TTC7B: variants seen among roughly 807,000 people sequenced by gnomAD.
TTC7B encodes the protein tetratricopeptide repeat protein 7B.
A neutral mutation model predicts 106.8 loss-of-function variants in TTC7B; 28 were observed. The observed-to-expected ratio is 0.26, with a 90% CI of 0.19 to 0.36. The LOEUF is 0.36. TTC7B is among the 10% of genes least tolerant of loss of function. The pLI, the probability that TTC7B is intolerant of heterozygous loss-of-function variation, is 1.00. For missense variants in TTC7B, 862 were observed against 1,076.4 expected, an observed-to-expected ratio of 0.80 and a Z score of 2.79; for synonymous variants, 405 against 430.6, an observed-to-expected ratio of 0.94 and a Z score of 0.74.
intron 15 of TTC7B, among the ~76,000 whole-genome samples, chr14:90,625,592 G>A (rs1225246724): frequency 6.6e-6 from 1 of 152,206 alleles, no homozygotes; most frequent in Non-Finnish European, 1.5e-5. Flanking sequence ...CCTCCGCCAG[G>A]TGAGCCTATG....
chr14:90,665,625 G>A (rs1330837410), intron 9 of TTC7B, among the ~76,000 whole-genome samples: 1 of 152,190 alleles, frequency 6.6e-6, no homozygotes, highest in African/African-American at 2.4e-5. Context: ...ATCCCACTGG[G>A]GAGGGGGCAG....
At chr14:90,676,753 G>C in intron 8 of TTC7B, 93 bp from the exon 9 acceptor site, 1 of 1,419,536 alleles carries the variant, frequency 7.0e-7, no homozygotes, top group South Asian at 1.3e-5. Context: ...CTACCAATTT[G>C]CGAAGGGAAT....
At chr14:90,631,245 T>C (rs2139865083) in intron 15 of TTC7B, among the ~76,000 whole-genome samples, 1 of 152,318 alleles carries the variant, frequency 6.6e-6, no homozygotes, top group South Asian at 2.1e-4. Context: ...CTTTTGGCTA[T>C]TGAGAATTAT....
rs2139838703 is a variant in TTC7B, at chr14:90,608,130, C to T, written c.1966+2612G>A. 1.3e-5 allele frequency among the ~76,000 whole-genome samples: 2 copies of T among 152,318 alleles called. No homozygotes were observed. The highest frequency in any genetic ancestry group is 2.9e-5 in the Non-Finnish European group (2 of 68,028). On this transcript the variant is annotated intron_variant, in intron 17 of 19. Transcript: ENST00000328459. The surrounding 1 kb of genome is among the most constrained non-coding windows in gnomAD (Gnocchi z 5.1). The stretch of plus-strand genomic sequence containing the variant: ...CAGGTGTGTGAATGACAGCATCTGC[C>T]CCTTCTTGACTGCACCATGAGCTGA...
intron 3 of TTC7B, among the ~76,000 whole-genome samples, chr14:90,761,023 T>G (rs1890482165): frequency 6.6e-6 from 1 of 152,176 alleles, no homozygotes; most frequent in Non-Finnish European, 1.5e-5. Flanking sequence ...GTGAGAAAAT[T>G]ATGACAGTGA....
intron 17 of TTC7B, among the ~76,000 whole-genome samples, chr14:90,604,751 G>A (rs900462099): frequency 1.3e-5 from 2 of 152,084 alleles, no homozygotes; most frequent in Non-Finnish European, 2.9e-5. Context: ...TCATATTTAG[G>A]TCCTATTTAA....
At chr14:90,695,067 T>C (rs1327774004) in intron 6 of TTC7B, among the ~76,000 whole-genome samples, 6 of 88,008 alleles carry the variant, frequency 6.8e-5, no homozygotes, top group African/African-American at 2.5e-4. Flanking sequence ...TATTTTATTA[T>C]AAAATATATT....
intron 3 of TTC7B, among the ~76,000 whole-genome samples, chr14:90,776,215 A>C (rs1424841960): frequency 2.6e-5 from 4 of 151,402 alleles, no homozygotes. Flanking sequence ...ATGGTCAGGC[A>C]GTTGTTAACT....
chr14:90,573,576 C>A (rs1009305750), intron 19 of TTC7B, among the ~76,000 whole-genome samples: 1 of 135,472 alleles, frequency 7.4e-6, no homozygotes, highest in Non-Finnish European at 1.6e-5. Context: ...CTCCGGCTCA[C>A]GGTCCCTCTC....
intron 15 of TTC7B, among the ~76,000 whole-genome samples, chr14:90,627,813 C>T (rs1884515299): frequency 6.6e-6 from 1 of 152,130 alleles, no homozygotes; most frequent in African/African-American, 2.4e-5. Context: ...CTCAAGAAAC[C>T]CCAGTTTGGC....
chr14:90,794,211 CTTTTTTTTTTT>C (rs1186061223), intron 1 of TTC7B, among the ~76,000 whole-genome samples: 1 of 45,096 alleles, frequency 2.2e-5, no homozygotes, highest in South Asian at 8.9e-4. Flanking sequence ...CTGGGTATTT[CTTTTTTTTTTT>C]TTTTTTTTTT....
chr14:90,797,784 G>T (rs1595042992), intron 1 of TTC7B, among the ~76,000 whole-genome samples: 1 of 152,152 alleles, frequency 6.6e-6, no homozygotes, highest in East Asian at 1.9e-4. Context: ...ACTACATACA[G>T]CCCTACTGGT....
At chr14:90,557,036 C>T (rs539554164) in intron 19 of TTC7B, among the ~76,000 whole-genome samples, 17 of 152,278 alleles carry the variant, frequency 1.1e-4, no homozygotes, top group East Asian at 9.7e-4. Flanking sequence ...CAGTGCTGCA[C>T]GGGGAGGCTT....
At chr14:90,720,002 A>T (rs1292848768) in intron 5 of TTC7B, among the ~76,000 whole-genome samples, 1 of 150,726 alleles carries the variant, frequency 6.6e-6, no homozygotes, top group Non-Finnish European at 1.5e-5. Flanking sequence ...TTCTTGAAAC[A>T]TTATGAGATT....
chr14:90,578,142 G>C lies in TTC7B; in HGVS notation c.2274C>G (p.Ala758=), dbSNP rs774414307. 9 of 1,612,862 alleles carry C rather than the reference G, an allele frequency of 5.6e-6. No individual in the cohort carries two copies. Among genetic ancestry groups the C allele is most frequent in the South Asian group, 2.2e-5 (2 of 90,712 alleles). ...TGCTCTTCACGTGGGTGGGGCTGAT[G>C]GCTAAGGCCTCTTCATACCACCGCC... ...EARRWYEEAL[A]ISPTHVKSMQ... is the part of the protein sequence containing the mutation. The change falls in exon 19 of 20, where the codon GCC becomes GCG. Residue 758 remains alanine (A), a synonymous_variant. Transcript: ENST00000328459. The surrounding 1 kb of genome is among the most constrained non-coding windows in gnomAD (Gnocchi z 4.7).
At chr14:90,692,629 T>G (rs1887520439) in intron 6 of TTC7B, among the ~76,000 whole-genome samples, 1 of 152,144 alleles carries the variant, frequency 6.6e-6, no homozygotes, top group Non-Finnish European at 1.5e-5. Flanking sequence ...TTTAAAACAA[T>G]TACGAAAACA....
chr14:90,809,214 GA>G (rs1039068262), intron 1 of TTC7B, among the ~76,000 whole-genome samples: 2 of 152,190 alleles, frequency 1.3e-5, no homozygotes, highest in African/African-American at 4.8e-5. Context: ...ATTTCCAGGG[GA>G]AAAAGAGAGA....
intron 1 of TTC7B, 103 bp downstream of exon 1, chr14:90,816,072 C>T: frequency 2.0e-6 from 2 of 977,818 alleles, no homozygotes; most frequent in Non-Finnish European, 2.4e-6. Flanking sequence ...CGCGGCCCGG[C>T]CGCGCCCCTG....
chr14:90,766,417 A>T (rs969751244), intron 3 of TTC7B: 1 of 540,914 alleles, frequency 1.8e-6, no homozygotes. Flanking sequence ...GTGAAAGTCA[A>T]GAAAATGATG....
Sources: allele counts gnomAD v4.1 joint callset (sites outside exome capture counted in the v4.1 genomes callset), GRCh38; gene constraint gnomAD v4.1.1; non-coding constraint Gnocchi (gnomAD v3.1); transcripts MANE v1.5; gene names NCBI Gene and HGNC (gene_info 2026-07-23, HGNC 2026-07-21).